THSD7B: variants seen among roughly 807,000 people sequenced by gnomAD.
THSD7B encodes thrombospondin type 1 domain containing 7B.
THSD7B carries 138 observed loss-of-function variants against 213.6 expected under a neutral mutation model. That is an observed-to-expected ratio of 0.65 (90% CI 0.56 to 0.74). THSD7B has a LOEUF of 0.74. Among genes scored for constraint, THSD7B ranks in the 30% least tolerant of loss-of-function variants. The pLI is 0.00. For synonymous variants in THSD7B, 742 were observed against 687.0 expected (o/e 1.08, Z -1.25); for missense variants, 1,931 against 1,991.5 (o/e 0.97, Z 0.58).
intron 14 of THSD7B, among the ~76,000 whole-genome samples, chr2:137,412,597 C>CAAAAAAAAAAAAAAAAAAAAA (rs748551585): frequency 4.2e-5 from 1 of 24,090 alleles, no homozygotes; most frequent in Non-Finnish European, 8.9e-5. Context: ...AACTCTGTCT[C>CAAAAAAAAAAAAAAAAAAAAA]AAAAAAAAAA....
intron 15 of THSD7B, among the ~76,000 whole-genome samples, chr2:137,557,233 A>G (rs1288398116): frequency 1.3e-5 from 2 of 152,192 alleles, no homozygotes; most frequent in Non-Finnish European, 2.9e-5. Flanking sequence ...AATCAACAGA[A>G]TATACATTCT....
At chr2:136,932,737 T>A (rs545095905) in intron 2 of THSD7B, among the ~76,000 whole-genome samples, 1 of 152,276 alleles carries the variant, frequency 6.6e-6, no homozygotes, top group South Asian at 2.1e-4. Flanking sequence ...GGCCTTGCTG[T>A]CTCAGGGGTG....
intron 2 of THSD7B, among the ~76,000 whole-genome samples, chr2:136,949,654 C>A (rs1685001814): frequency 6.6e-6 from 1 of 152,164 alleles, no homozygotes; most frequent in Non-Finnish European, 1.5e-5. Context: ...TCAATACTGG[C>A]TCATGTTAGA....
intron 21 of THSD7B, among the ~76,000 whole-genome samples, chr2:137,651,166 A>T (rs1683130403): frequency 6.6e-6 from 1 of 152,064 alleles, no homozygotes; most frequent in East Asian, 1.9e-4. Context: ...TCTATGTTAA[A>T]TGTTTGGTAG....
At chr2:136,804,438 A>ACACACACACACC (rs61679077) in intron 1 of THSD7B, among the ~76,000 whole-genome samples, 32 of 138,588 alleles carry the variant, frequency 2.3e-4, no homozygotes, top group Admixed American at 7.2e-4. Flanking sequence ...ACACACACAC[A>ACACACACACACC]CCCTTACCCT....
chr2:137,526,762 T>G (rs1235393457), intron 15 of THSD7B, among the ~76,000 whole-genome samples: 2 of 152,128 alleles, frequency 1.3e-5, no homozygotes, highest in Admixed American at 6.5e-5. Context: ...AACTTTATTA[T>G]TATGGTATTA....
At chr2:137,022,806 A>G (rs1256682479) in intron 2 of THSD7B, among the ~76,000 whole-genome samples, 2 of 152,204 alleles carry the variant, frequency 1.3e-5, no homozygotes, top group Non-Finnish European at 2.9e-5. Flanking sequence ...GTGGAAGGCC[A>G]GCAGCTAGTA....
At chr2:137,144,209 C>T (rs1679646224) in intron 5 of THSD7B, among the ~76,000 whole-genome samples, 1 of 152,052 alleles carries the variant, frequency 6.6e-6, no homozygotes, top group Non-Finnish European at 1.5e-5. Flanking sequence ...CAGCTCCAAC[C>T]TGCCCCCTTG....
intron 20 of THSD7B, among the ~76,000 whole-genome samples, chr2:137,629,650 T>C (rs1249115236): frequency 6.6e-6 from 1 of 152,184 alleles, no homozygotes; most frequent in Non-Finnish European, 1.5e-5. Flanking sequence ...GAAAAGTCCT[T>C]GTGTGAACCA....
chr2:136,950,667 G>A (rs963521576), intron 2 of THSD7B, among the ~76,000 whole-genome samples: 8 of 151,984 alleles, frequency 5.3e-5, no homozygotes, highest in Admixed American at 2.0e-4. Flanking sequence ...AGATCTCATC[G>A]CCTTCTGCAA....
At chr2:137,391,332 T>C (rs942627874) in intron 12 of THSD7B, among the ~76,000 whole-genome samples, 2 of 152,190 alleles carry the variant, frequency 1.3e-5, no homozygotes, top group Non-Finnish European at 2.9e-5. Flanking sequence ...TGATTATGTT[T>C]ATTTGGATCT....
chr2:137,505,181 A>G (rs1679806723), intron 15 of THSD7B, among the ~76,000 whole-genome samples: 1 of 152,238 alleles, frequency 6.6e-6, no homozygotes, highest in African/African-American at 2.4e-5. Flanking sequence ...TCTCTGCTGC[A>G]GTCATCACAG....
At chr2:137,046,763 A>G (rs1283970839) in intron 2 of THSD7B, among the ~76,000 whole-genome samples, 2 of 148,682 alleles carry the variant, frequency 1.3e-5, no homozygotes, top group Non-Finnish European at 3.0e-5. Context: ...AAATTAAAAG[A>G]CAGTCCATAT....
At chr2:137,136,887 ATTGAC>A (rs1204928625) in intron 5 of THSD7B, among the ~76,000 whole-genome samples, 2 of 152,332 alleles carry the variant, frequency 1.3e-5, no homozygotes, top group African/African-American at 4.8e-5. Flanking sequence ...TTAGAAAATT[ATTGAC>A]TATGTATTGC....
At chr2:137,325,375 A>G (rs1684347194) in intron 12 of THSD7B, among the ~76,000 whole-genome samples, 1 of 152,188 alleles carries the variant, frequency 6.6e-6, no homozygotes, top group South Asian at 2.1e-4. Flanking sequence ...CAGTGAAAGC[A>G]GGGTGAAAAA....
At chr2:136,786,818 A>G (rs958554407) in intron 1 of THSD7B, among the ~76,000 whole-genome samples, 7 of 152,196 alleles carry the variant, frequency 4.6e-5, no homozygotes, top group Admixed American at 6.5e-5. Context: ...ATGATTTCTT[A>G]TCAGTCATTC....
intron 15 of THSD7B, chr2:137,538,480 T>A (rs1181049577): frequency 3.9e-6 from 2 of 517,838 alleles, no homozygotes; most frequent in East Asian, 1.1e-4. Flanking sequence ...AACATGGACT[T>A]CTACAAAGGC....
chr2:137,434,928 C>A lies in THSD7B; in HGVS notation c.2960-15917C>A, dbSNP rs1687261050. Among the ~76,000 whole-genome samples, 3 of 152,110 alleles carry A rather than the reference C, an allele frequency of 2.0e-5. No homozygotes were observed. In the East Asian group the frequency reaches 5.8e-4, roughly 29 times the overall value. On this transcript the variant is annotated intron_variant, in intron 14 of 27. Transcript: ENST00000409968. ...CATTAAGATGTACTTAATCGTTTGC[C>A]AAGAGGCTCATTATAGTTCATTGCC... is the stretch of plus-strand genomic sequence containing the variant.
intron 1 of THSD7B, among the ~76,000 whole-genome samples, chr2:136,799,380 A>T (rs1403364761): frequency 6.6e-6 from 1 of 152,028 alleles, no homozygotes; most frequent in African/African-American, 2.4e-5. Flanking sequence ...ATTAGAGCCT[A>T]TATATTTTCT....
Sources: gnomAD v4.1 joint callset for allele counts (sites outside exome capture counted in the v4.1 genomes callset) on GRCh38, gnomAD v4.1.1 for gene constraint, MANE v1.5 for transcripts, NCBI Gene and HGNC (gene_info 2026-07-23, HGNC 2026-07-21) for gene names.